Variants in UPP2 observed in about 807,000 individuals in gnomAD.
UPP2 encodes the protein uridine phosphorylase 2.
In UPP2, 23 loss-of-function variants were observed where a neutral mutation model predicts 26.7. The observed-to-expected ratio is 0.86, with a 90% CI of 0.62 to 1.22. The LOEUF (loss-of-function observed/expected upper bound fraction) is 1.22. UPP2 is among the 50% of genes most tolerant of loss of function. The pLI is 0.00. For missense variants in UPP2, 387 were observed against 396.7 expected (o/e 0.98, Z 0.21); for synonymous variants, 127 against 141.3 (o/e 0.90, Z 0.72).
At chr2:158,054,960 T>C (rs1682223428) in intron 3 of UPP2, among the ~76,000 whole-genome samples, 1 of 152,168 alleles carries the variant, frequency 6.6e-6, no homozygotes, top group Non-Finnish European at 1.5e-5. Context: ...AAACTTCCCA[T>C]TCCCCTCTCT....
intron 3 of UPP2, among the ~76,000 whole-genome samples, chr2:158,093,271 T>TACACACACACACACACACACAC (rs57028617): frequency 1.5e-5 from 2 of 137,420 alleles, no homozygotes; most frequent in African/African-American, 5.4e-5. Context: ...AAAAGAAACA[T>TACACACACACACACACACACAC]ACACACACAC....
rs185598354 is a variant in UPP2, at chr2:158,022,154, A to G, written c.147+6268A>G. On this transcript the variant is annotated intron_variant, in intron 3 of 9. Coordinates refer to the UPP2 transcript ENST00000605860. ...TGTGTAGTAAAGAAGTATATTTTGC[A>G]CATGTCTATATAATAAAAGTCTTGG... Among the ~76,000 whole-genome samples, 554 of 152,204 alleles carry G rather than the reference A, an allele frequency of 3.6e-3. 4 individuals are homozygous for G. The highest frequency in any genetic ancestry group is 0.013 in the African/African-American group (533 of 41,514).
chr2:158,082,704 C>G (rs1682747014), intron 3 of UPP2, among the ~76,000 whole-genome samples: 1 of 152,068 alleles, frequency 6.6e-6, no homozygotes, highest in Admixed American at 6.6e-5. Flanking sequence ...CCAAAATTGA[C>G]AAAGGGGATT....
chr2:157,995,718 C>A (rs2105458875), intron 2 of UPP2, among the ~76,000 whole-genome samples: 1 of 152,118 alleles, frequency 6.6e-6, no homozygotes, highest in East Asian at 1.9e-4. Flanking sequence ...CAGGCACATA[C>A]ACACACATAC....
At position 158,066,630 on chromosome 2, in the gene UPP2, C is replaced by T. The variant is rs199926353; in HGVS notation, c.148-35410C>T. On this transcript the variant is annotated intron_variant, in intron 3 of 9. Transcript: ENST00000605860. ...TATCAGATTTGTTTAACCATTGATTCTTTTTTTTTTTTTACCATGTCTTAC... is the reference window on the plus strand; with the variant it reads ...TATCAGATTTGTTTAACCATTGATTTTTTTTTTTTTTTTACCATGTCTTAC... 1.4e-3 allele frequency among the ~76,000 whole-genome samples: 208 copies of T among 146,114 alleles called. 2 individuals are homozygous for T. Among genetic ancestry groups the T allele is most frequent in the African/African-American group, 5.0e-3 (199 of 39,938 alleles).
At chr2:158,092,037 A>T (rs1682919867) in intron 3 of UPP2, among the ~76,000 whole-genome samples, 1 of 152,136 alleles carries the variant, frequency 6.6e-6, no homozygotes, top group Non-Finnish European at 1.5e-5. Context: ...ACACCCAGAG[A>T]GTGTGTGAAG....
intron 3 of UPP2, among the ~76,000 whole-genome samples, chr2:158,018,622 T>G (rs1683697756): frequency 6.6e-6 from 1 of 152,162 alleles, no homozygotes. Context: ...TCTCTCTATT[T>G]GGAAAGCAGG....
chr2:158,025,594 C>T (rs1683821638), intron 3 of UPP2, among the ~76,000 whole-genome samples: 3 of 152,344 alleles, frequency 2.0e-5, no homozygotes, highest in South Asian at 4.1e-4. Context: ...ACCTCAAGGA[C>T]AGAGCAGCCA....
chr2:158,123,395 G>C (rs1411639364), intron 5 of UPP2, among the ~76,000 whole-genome samples: 1 of 151,918 alleles, frequency 6.6e-6, no homozygotes, highest in African/African-American at 2.4e-5. Context: ...CCATTCCCCA[G>C]TCATTGGAGC....
intron 3 of UPP2, among the ~76,000 whole-genome samples, chr2:158,037,268 G>A (rs1001999846): frequency 4.6e-5 from 7 of 152,072 alleles, no homozygotes; most frequent in Non-Finnish European, 8.8e-5. Flanking sequence ...CCAGGTGCTC[G>A]GGAGGCTGAG....
intron 3 of UPP2, among the ~76,000 whole-genome samples, chr2:158,057,684 T>A (rs1682268323): frequency 6.6e-6 from 1 of 152,210 alleles, no homozygotes; most frequent in Non-Finnish European, 1.5e-5. Context: ...AGATTCTTTA[T>A]GTTTTTTAAC....
intron 2 of UPP2, among the ~76,000 whole-genome samples, chr2:158,004,848 T>C (rs1318473120): frequency 1.3e-5 from 2 of 152,256 alleles, no homozygotes; most frequent in African/African-American, 4.8e-5. Flanking sequence ...TATAAGGTTT[T>C]TGTAATCAAA....
At chr2:158,082,660 A>G (rs1682746026) in intron 3 of UPP2, among the ~76,000 whole-genome samples, 1 of 152,240 alleles carries the variant, frequency 6.6e-6, no homozygotes, top group Non-Finnish European at 1.5e-5. Flanking sequence ...CGAAGATTTC[A>G]TGACTAAAAC....
intron 2 of UPP2, among the ~76,000 whole-genome samples, chr2:158,001,311 G>GTAC (rs1422890929): frequency 1.3e-5 from 2 of 152,174 alleles, no homozygotes; most frequent in Non-Finnish European, 2.9e-5. Flanking sequence ...GAGTAGTGCA[G>GTAC]TACCCTGGGC....
intron 3 of UPP2, among the ~76,000 whole-genome samples, chr2:158,095,668 A>G (rs1682974094): frequency 6.6e-6 from 1 of 152,188 alleles, no homozygotes; most frequent in Admixed American, 6.5e-5. Context: ...GGAAATAATA[A>G]TACCTATCTC....
chr2:158,087,062 C>T (rs984526553), intron 3 of UPP2, among the ~76,000 whole-genome samples: 3 of 152,016 alleles, frequency 2.0e-5, no homozygotes, highest in Admixed American at 6.5e-5. Flanking sequence ...GTCATGATGA[C>T]GTGTCTATTG....
intron 2 of UPP2, among the ~76,000 whole-genome samples, chr2:158,004,082 T>C (rs1306830507): frequency 6.6e-6 from 1 of 152,174 alleles, no homozygotes; most frequent in Non-Finnish European, 1.5e-5. Flanking sequence ...CAATAACTAT[T>C]ATTATTATCC....
exon 2 of UPP2, chr2:157,995,187 A>G (rs1261259872): frequency 1.9e-6 from 3 of 1,613,514 alleles, no homozygotes; most frequent in African/African-American, 2.7e-5. Flanking sequence ...TAGGGACTTC[A>G]CCAGTGCTGC....
chr2:158,036,895 C>T (rs969990778), intron 3 of UPP2, among the ~76,000 whole-genome samples: 1 of 152,102 alleles, frequency 6.6e-6, no homozygotes, highest in African/African-American at 2.4e-5. Context: ...ACACGGAGAC[C>T]CCAAGGTCTT....
Sources: allele counts gnomAD v4.1 joint callset (sites outside exome capture counted in the v4.1 genomes callset), GRCh38; gene constraint gnomAD v4.1.1; transcripts MANE v1.5; gene names NCBI Gene and HGNC (gene_info 2026-07-23, HGNC 2026-07-21).